The following JHY variants were observed in gnomAD, a reference collection of about 807,000 sequenced individuals.
The protein encoded by JHY is junctional cadherin complex regulator.
In JHY, 69 loss-of-function variants were observed where a neutral mutation model predicts 78.0. The ratio of observed to expected loss-of-function variants is 0.88; its 90% confidence interval spans 0.73 to 1.08. The LOEUF (loss-of-function observed/expected upper bound fraction) is 1.08. Among genes scored for constraint, JHY ranks in the 50% least tolerant of loss-of-function variants. The pLI is 0.00. For missense variants in JHY, 944 were observed against 927.8 expected, an observed-to-expected ratio of 1.02 and a Z score of -0.23; for synonymous variants, 368 against 342.6, an observed-to-expected ratio of 1.07 and a Z score of -0.82.
intron 3 of JHY, among the ~76,000 whole-genome samples, chr11:122,907,616 G>A (rs979666171): frequency 3.3e-5 from 5 of 151,964 alleles, no homozygotes; most frequent in South Asian, 2.1e-4. Context: ...AGGCCAAGGC[G>A]GGCAGATCCC....
chr11:122,884,756 C>T lies in JHY; in HGVS notation c.-89-1005C>T, dbSNP rs369749081. Among the ~76,000 whole-genome samples, 4 of 152,272 alleles carry T rather than the reference C, an allele frequency of 2.6e-5. No individual in the cohort carries two copies. The East Asian group carries it at 5.8e-4, about 22-fold the overall frequency. On this transcript the variant is annotated intron_variant, in intron 1 of 8. Transcript: ENST00000227349. ...TAGACCTCCAGGCTCTGCTTTGGATCGCTCAGTGGCAGAATTCACAAGACC... is the reference window on the plus strand; with the variant it reads ...TAGACCTCCAGGCTCTGCTTTGGATTGCTCAGTGGCAGAATTCACAAGACC...
At position 122,961,050 on chromosome 11, in the gene JHY, C is replaced by A; in HGVS notation, c.*1605C>A. The A allele has an allele frequency of 2.8e-6, 3 of 1,069,946 alleles. No homozygotes were observed. The highest frequency in any genetic ancestry group is 4.3e-6 in the Non-Finnish European group (3 of 699,120). 66.3% of individuals were successfully genotyped at this position (1,069,946 alleles called of 1,614,324 possible). A position where few individuals can be genotyped will look rare whatever the true frequency, so the allele number is the denominator to read the frequency against. On this transcript the variant is annotated 3_prime_UTR_variant, in exon 9 of 9. Coordinates refer to ENST00000227349, the MANE Select transcript of JHY (RefSeq NM_024806.4). The stretch of plus-strand genomic sequence containing the variant: ...TGCCAAGTGCATTTGGGACCTAAAG[C>A]TGTTGGCAAAGAAGACTCATGCACA...
At chr11:122,951,232 G>T (rs533077294) in intron 6 of JHY, among the ~76,000 whole-genome samples, 1 of 152,274 alleles carries the variant, frequency 6.6e-6, no homozygotes, top group African/African-American at 2.4e-5. Context: ...ACTGAGTTCC[G>T]AATGCCAGGC....
At chr11:122,902,955 A>G (rs1862894101) in intron 2 of JHY, among the ~76,000 whole-genome samples, 1 of 152,240 alleles carries the variant, frequency 6.6e-6, no homozygotes, top group African/African-American at 2.4e-5. Context: ...GTTGATTATC[A>G]TTATCAAGGA....
chr11:122,935,010 C>G lies in JHY; in HGVS notation c.1569C>G (p.Thr523=). 6.2e-7 allele frequency: 1 copy of G among 1,608,718 alleles called. No individual in the cohort carries two copies. The highest frequency in any genetic ancestry group is 8.5e-7 in the Non-Finnish European group (1 of 1,178,616). Residue 523 remains threonine (T), a synonymous_variant, in exon 5 of 9, where the codon ACC becomes ACG. Transcript: ENST00000227349. The surrounding 1 kb of genome is among the most constrained non-coding windows in gnomAD (Gnocchi z 4.5). ...ATCACATAAATACTCATGGATCAAC[C>G]AAAAATAAGAAACAACTCAAACAGC... ...FVYHINTHGS[T]KNKKQLKQPY...
intron 4 of JHY, among the ~76,000 whole-genome samples, chr11:122,932,020 C>T (rs772809540): frequency 1.3e-5 from 2 of 152,104 alleles, no homozygotes; most frequent in Non-Finnish European, 2.9e-5. Context: ...GAGTATGCAG[C>T]GACTGCGGGT....
At chr11:122,903,007 A>T (rs10892924) in intron 2 of JHY, among the ~76,000 whole-genome samples, 64,545 of 152,104 alleles carry the variant, frequency 0.42, 16,129 homozygotes, top group Middle Eastern at 0.59. Flanking sequence ...CTTTTATAGG[A>T]CTGGCAGTGC....
At chr11:122,923,100 C>A (rs1000055973) in intron 3 of JHY, among the ~76,000 whole-genome samples, 1 of 152,194 alleles carries the variant, frequency 6.6e-6, no homozygotes, top group African/African-American at 2.4e-5. Flanking sequence ...ACAGTCGGTC[C>A]TCTAAATAAG....
chr11:122,942,880 T>C (rs531888797), intron 5 of JHY, among the ~76,000 whole-genome samples: 1 of 152,304 alleles, frequency 6.6e-6, no homozygotes, highest in East Asian at 1.9e-4. Flanking sequence ...CTAAGTATTT[T>C]CTTCTCTTTT....
chr11:122,957,274 A>G, intron 7 of JHY, 89 bp from the exon 8 acceptor site: 2 of 1,381,750 alleles, frequency 1.4e-6, no homozygotes, highest in South Asian at 1.7e-5. Context: ...AGATACGCCC[A>G]GTATACTGAA....
chr11:122,959,336 C>T lies in JHY; in HGVS notation c.2228C>T (p.Ala743Val). The stretch of plus-strand genomic sequence containing the variant: ...AAGGAACAAAAAAATCCAACCTATG[C>T]TGGGAAAGAAGAAAGTTTACCTGAA... ...ASKEQKNPTY[A>V]GKEESLPEIS... Residue 743 changes from alanine to valine, a missense_variant, in exon 9 of 9, where the codon GCT becomes GTT. By Grantham distance (64) the Ala-to-Val change is moderately conservative (BLOSUM62 0). Transcript: ENST00000227349. The T allele has an allele frequency of 6.2e-7, 1 of 1,614,034 alleles. No homozygotes were observed. The highest frequency in any genetic ancestry group is 8.5e-7 in the Non-Finnish European group (1 of 1,179,990).
At position 122,898,914 on chromosome 11, in the gene JHY, A is replaced by G. The variant is rs1447455825; in HGVS notation, c.345-5011A>G. Among the ~76,000 whole-genome samples, 2 of 152,162 alleles carry G rather than the reference A, an allele frequency of 1.3e-5. No homozygotes were observed. Among genetic ancestry groups the G allele is most frequent in the East Asian group, 1.9e-4 (1 of 5,186 alleles). On this transcript the variant is annotated intron_variant, in intron 2 of 8. Transcript: ENST00000227349. This position sits in a 1 kb window ranked among gnomAD's most constrained non-coding sequence, Gnocchi z 4.4. The stretch of plus-strand genomic sequence containing the variant: ...ATTTTGTCCACACAGAATTTGTTCT[A>G]TGAAAGCACCACATTGTCTCTGCCT...
In JHY at chr11:122,924,899, C is replaced by T. The variant is rs1302760395; in HGVS notation, c.867C>T (p.Ile289=). The T allele has an allele frequency of 6.2e-7, 1 of 1,611,642 alleles. No homozygotes were observed. Among genetic ancestry groups the T allele is most frequent in the Non-Finnish European group, 8.5e-7 (1 of 1,177,842 alleles). ...KKRGESHPEQ[I]SYPVRVTDKT... is the part of the protein sequence containing the mutation. The stretch of plus-strand genomic sequence containing the variant: ...CTGTATGTGTTTTACCTACCTAGAT[C>T]TCCTACCCCGTCAGAGTAACAGACA... Residue 289 remains isoleucine, a splice_region_variant and synonymous_variant, in exon 4 of 9, where the codon ATC becomes ATT. Coordinates refer to ENST00000227349, the MANE Select transcript of JHY (RefSeq NM_024806.4).
In JHY at chr11:122,898,076, T is replaced by G. The variant is rs1862773106; in HGVS notation, c.345-5849T>G. Among the ~76,000 whole-genome samples the G allele has an allele frequency of 6.6e-6, 1 of 152,242 alleles. No homozygotes were observed. The highest frequency in any genetic ancestry group is 1.5e-5 in the Non-Finnish European group (1 of 68,042). ...CCTGTTTTAAATACCCATAACGTCCTGTATTTCTTTACACATCGAATTCAT... is the reference window on the plus strand; with the variant it reads ...CCTGTTTTAAATACCCATAACGTCCGGTATTTCTTTACACATCGAATTCAT... On this transcript the variant is annotated intron_variant, in intron 2 of 8. Transcript: ENST00000227349. The surrounding 1 kb of genome is among the most constrained non-coding windows in gnomAD (Gnocchi z 4.4).
intron 2 of JHY, among the ~76,000 whole-genome samples, chr11:122,900,511 C>CTT (rs374998954): frequency 0.68 from 44,663 of 65,232 alleles, 14,932 homozygotes; most frequent in South Asian, 0.83. Flanking sequence ...ATACTACCAG[C>CTT]TTTTTTTTTT....
chr11:122,937,287 C>G (rs569624740), intron 5 of JHY, among the ~76,000 whole-genome samples: 45 of 144,752 alleles, frequency 3.1e-4, no homozygotes, highest in Middle Eastern at 7.0e-3. Flanking sequence ...ACCTCCTGGG[C>G]TTCTTTTGCT....
intron 4 of JHY, among the ~76,000 whole-genome samples, chr11:122,929,659 G>A (rs11218894): frequency 0.23 from 35,351 of 152,082 alleles, 4,635 homozygotes; most frequent in Middle Eastern, 0.3. Flanking sequence ...TGCAACTCAT[G>A]TATATGGAAG....
At chr11:122,911,362 A>G (rs1863121003) in intron 3 of JHY, among the ~76,000 whole-genome samples, 1 of 152,194 alleles carries the variant, frequency 6.6e-6, no homozygotes, top group Admixed American at 6.5e-5. Flanking sequence ...TCCTACCTTC[A>G]ATTAACACAT....
At chr11:122,943,170 C>T (rs1863907666) in intron 5 of JHY, among the ~76,000 whole-genome samples, 1 of 152,232 alleles carries the variant, frequency 6.6e-6, no homozygotes, top group Non-Finnish European at 1.5e-5. Flanking sequence ...CCACCTCGCT[C>T]AGCTAGTTCT....
Sources: allele counts gnomAD v4.1 joint callset (sites outside exome capture counted in the v4.1 genomes callset), GRCh38; gene constraint gnomAD v4.1.1; non-coding constraint Gnocchi (gnomAD v3.1); transcripts MANE v1.5; gene names NCBI Gene and HGNC (gene_info 2026-07-23, HGNC 2026-07-21).